The following ZNF362 variants were observed in gnomAD, a reference collection of about 807,000 sequenced individuals.
ZNF362 encodes rotund homolog.
A neutral mutation model predicts 42.9 loss-of-function variants in ZNF362; 11 were observed. The ratio of observed to expected loss-of-function variants is 0.26; its 90% confidence interval spans 0.16 to 0.42. The LOEUF (loss-of-function observed/expected upper bound fraction) is 0.42, where lower values mean the gene tolerates loss of function less well. ZNF362 is among the 20% of genes least tolerant of loss of function. The pLI, the probability that ZNF362 is intolerant of heterozygous loss-of-function variation, is 1.00. For missense variants in ZNF362, 362 were observed against 576.2 expected, an observed-to-expected ratio of 0.63 and a Z score of 3.81; for synonymous variants, 255 against 257.3, an observed-to-expected ratio of 0.99 and a Z score of 0.09.
the ZNF362 span, among the ~76,000 whole-genome samples, chr1:33,150,097 C>A: frequency 6.6e-6 from 1 of 152,218 alleles, no homozygotes; most frequent in Non-Finnish European, 1.5e-5. Context: ...GAGCTGATAA[C>A]TGGCCAGAGG....
At chr1:33,231,686 G>A in the ZNF362 span, among the ~76,000 whole-genome samples, 1 of 152,078 alleles carries the variant, frequency 6.6e-6, no homozygotes, top group East Asian at 1.9e-4. Context: ...GTCCATGCTG[G>A]GTTTTGATTA....
chr1:33,149,768 C>G, the ZNF362 span, among the ~76,000 whole-genome samples: 1 of 152,192 alleles, frequency 6.6e-6, no homozygotes, highest in African/African-American at 2.4e-5. Context: ...AATTCTTTAG[C>G]TTTATTTGTG....
At chr1:33,159,838 G>A in the ZNF362 span, 8 of 1,613,532 alleles carry the variant, frequency 5.0e-6, no homozygotes, top group East Asian at 2.2e-5. This position sits in a 1 kb window ranked among gnomAD's most constrained non-coding sequence, Gnocchi z 4.2. Flanking sequence ...CGTGCGGGCC[G>A]TGTCCGCCTC....
chr1:33,197,336 C>G, the ZNF362 span, among the ~76,000 whole-genome samples: 1 of 152,180 alleles, frequency 6.6e-6, no homozygotes, highest in African/African-American at 2.4e-5. Context: ...TGAGCCAATC[C>G]TCCCTAATAA....
the ZNF362 span, among the ~76,000 whole-genome samples, chr1:33,162,518 C>T: frequency 2.6e-5 from 4 of 152,234 alleles, no homozygotes; most frequent in Non-Finnish European, 4.4e-5. Flanking sequence ...TCCCTCGGCT[C>T]TGCACCCCTG....
chr1:33,161,878 C>G, the ZNF362 span, among the ~76,000 whole-genome samples: 1 of 152,186 alleles, frequency 6.6e-6, no homozygotes, highest in African/African-American at 2.4e-5. The surrounding 1 kb of genome is among the most constrained non-coding windows in gnomAD (Gnocchi z 4.3). Context: ...CTCTGCCTCC[C>G]ATGTTCCTCG....
chr1:33,175,001 G>GTATGTATATGTA, the ZNF362 span, among the ~76,000 whole-genome samples: 319 of 135,662 alleles, frequency 2.4e-3, 1 homozygote, highest in African/African-American at 7.6e-3. Flanking sequence ...ACACACACAT[G>GTATGTATATGTA]TATGTATATG....
the ZNF362 span, chr1:33,165,384 C>T: frequency 3.2e-6 from 4 of 1,265,148 alleles, no homozygotes; most frequent in South Asian, 1.4e-5. The surrounding 1 kb of genome is among the most constrained non-coding windows in gnomAD (Gnocchi z 4.0). Flanking sequence ...CACCCGAGGC[C>T]CCGCCCCTCT....
the ZNF362 span, among the ~76,000 whole-genome samples, chr1:33,189,261 A>G: frequency 2.0e-5 from 3 of 152,242 alleles, no homozygotes; most frequent in Non-Finnish European, 4.4e-5. Context: ...GGAATCTCTC[A>G]TGATTTCATA....
the ZNF362 span, chr1:33,147,627 TGGCTGTGGG>T: frequency 6.2e-7 from 1 of 1,613,984 alleles, no homozygotes; most frequent in Non-Finnish European, 8.5e-7. The surrounding 1 kb of genome is among the most constrained non-coding windows in gnomAD (Gnocchi z 8.1). Context: ...AGTCCTGCAG[TGGCTGTGGG>T]TGCAAGTTGC....
the ZNF362 span, among the ~76,000 whole-genome samples, chr1:33,234,341 G>A: frequency 4.6e-5 from 7 of 152,100 alleles, no homozygotes; most frequent in Admixed American, 3.9e-4. Context: ...CATACAGTAG[G>A]AGCTCAAATA....
chr1:33,269,254 C>A (rs914004308), intron 1 of ZNF362, among the ~76,000 whole-genome samples: 8 of 152,276 alleles, frequency 5.3e-5, no homozygotes, highest in Non-Finnish European at 1.2e-4. Flanking sequence ...CAACTACTTT[C>A]TTTCATTTTT....
At chr1:33,285,647 ATG>A (rs1352164105) in intron 6 of ZNF362, among the ~76,000 whole-genome samples, 7 of 152,232 alleles carry the variant, frequency 4.6e-5, no homozygotes, top group African/African-American at 1.7e-4. Context: ...TACATATTAT[ATG>A]TTTATGTATG....
At chr1:33,209,132 G>A in the ZNF362 span, among the ~76,000 whole-genome samples, 4 of 152,158 alleles carry the variant, frequency 2.6e-5, no homozygotes, top group East Asian at 7.7e-4. Context: ...AGCATGAAAG[G>A]CTGTTGAATT....
chr1:33,296,295 G>A (rs192966158), intron 8 of ZNF362, among the ~76,000 whole-genome samples: 15 of 152,228 alleles, frequency 9.9e-5, no homozygotes, highest in Middle Eastern at 3.4e-3. Flanking sequence ...AGTGGTGACA[G>A]CCAAAAAATG....
chr1:33,224,840 A>G, the ZNF362 span, among the ~76,000 whole-genome samples: 1 of 152,248 alleles, frequency 6.6e-6, no homozygotes, highest in Non-Finnish European at 1.5e-5. Flanking sequence ...GAAGAAAACC[A>G]TATTCAGGCA....
At chr1:33,219,277 C>T in the ZNF362 span, among the ~76,000 whole-genome samples, 5 of 152,306 alleles carry the variant, frequency 3.3e-5, no homozygotes, top group South Asian at 2.1e-4. Context: ...GTAAAGTGTA[C>T]GGTTGGCGCT....
At chr1:33,243,109 T>A in the ZNF362 span, among the ~76,000 whole-genome samples, 2 of 37,342 alleles carry the variant, frequency 5.4e-5, no homozygotes, top group Non-Finnish European at 1.4e-4. Flanking sequence ...ACAACTGTTA[T>A]TATGTTATGT....
At chr1:33,296,374 C>T (rs993919235) in intron 8 of ZNF362, among the ~76,000 whole-genome samples, 8 of 152,078 alleles carry the variant, frequency 5.3e-5, no homozygotes, top group Non-Finnish European at 1.2e-4. Flanking sequence ...GTCCTGCATC[C>T]TGGGGGACAG....
Sources: allele counts gnomAD v4.1 joint callset (sites outside exome capture counted in the v4.1 genomes callset), GRCh38; gene constraint gnomAD v4.1.1; non-coding constraint Gnocchi (gnomAD v3.1); transcripts MANE v1.5; gene names NCBI Gene and HGNC (gene_info 2026-07-23, HGNC 2026-07-21).